PRIM2: variants seen among roughly 807,000 people sequenced by gnomAD.
PRIM2 encodes DNA primase subunit 2, also known as DNA primase large subunit.
Under a neutral mutation model 67.3 loss-of-function variants are expected in PRIM2, and 39 were observed. The observed-to-expected ratio is 0.58, with a 90% confidence interval of 0.45 to 0.76. PRIM2 has a LOEUF of 0.76. Ranked by LOEUF, PRIM2 falls within the 30% of genes least tolerant of loss-of-function variation. The pLI is 0.00. For synonymous variants in PRIM2, 143 were observed against 198.7 expected (o/e 0.72, Z 2.36); for missense variants, 398 against 598.7 (o/e 0.66, Z 3.50).
intron 7 of PRIM2, among the ~76,000 whole-genome samples, chr6:57,448,122 C>T (rs959321991): frequency 1.3e-5 from 2 of 151,972 alleles, no homozygotes; most frequent in African/African-American, 2.4e-5. Flanking sequence ...TCTCCAGTGC[C>T]GATCTTTATT....
the PRIM2 span, among the ~76,000 whole-genome samples, chr6:57,301,277 C>T: frequency 6.6e-6 from 1 of 152,012 alleles, no homozygotes; most frequent in Non-Finnish European, 1.5e-5. Context: ...CACCTGAGGT[C>T]GGGAGTTTGA....
At chr6:57,343,774 T>A (rs1768578736) in intron 5 of PRIM2, among the ~76,000 whole-genome samples, 1 of 152,124 alleles carries the variant, frequency 6.6e-6, no homozygotes, top group African/African-American at 2.4e-5. Context: ...ATTATTCATG[T>A]CATTTGTTAA....
chr6:57,257,560 C>T, the PRIM2 span, among the ~76,000 whole-genome samples: 5 of 152,086 alleles, frequency 3.3e-5, no homozygotes, highest in South Asian at 2.1e-4. Context: ...CGTGAGCCAT[C>T]GCGCCCAGAC....
chr6:57,425,961 A>G lies in PRIM2; in HGVS notation c.693+43793A>G, dbSNP rs1189278202. ...AACGTAGACTTCAGAAGCATTATCA[A>G]TTTCTATTTTAAAAGTTAAGTATAT... On this transcript the variant is annotated intron_variant, in intron 7 of 13. Coordinates refer to ENST00000615550, the MANE Select transcript of PRIM2 (RefSeq NM_000947.5). Among the ~76,000 whole-genome samples the G allele has an allele frequency of 2.0e-5, 3 of 152,308 alleles. No homozygotes were observed. The East Asian group carries it at 5.8e-4, about 29-fold the overall frequency.
the PRIM2 span, among the ~76,000 whole-genome samples, chr6:57,267,752 A>T: frequency 1.6e-4 from 24 of 150,950 alleles, no homozygotes; most frequent in African/African-American, 5.6e-4. Context: ...CTACAAAAAA[A>T]TTTTAAAATT....
At position 57,537,484 on chromosome 6, in the gene PRIM2, A is replaced by G; in HGVS notation, c.879A>G (p.Lys293=). 6.6e-7 allele frequency: 1 copy of G among 1,522,164 alleles called. No individual in the cohort carries two copies. The highest frequency in any genetic ancestry group is 9.1e-7 in the Non-Finnish European group (1 of 1,103,500). The allele number at this position is 1,522,164 out of a possible 1,614,324, so 94.3% of individuals were successfully genotyped here. A position where few individuals can be genotyped will look rare whatever the true frequency, so the allele number is the denominator to read the frequency against. The change falls in exon 10 of 14, where the codon AAA becomes AAG. Residue 293 remains lysine (K), a synonymous_variant. Coordinates refer to ENST00000615550, the MANE Select transcript of PRIM2 (RefSeq NM_000947.5). ...SFPPCMRQLH[K]ALRENHHLRH... ...CACCTTGCATGCGTCAGTTACATAA[A>G]GCCTTGCGGGAAAATCACCATCTTC...
chr6:57,383,607 A>G (rs1201661023), intron 7 of PRIM2: 1 of 149,240 alleles, frequency 6.7e-6, no homozygotes, highest in Non-Finnish European at 1.5e-5. Flanking sequence ...ATGTGGGATG[A>G]AGTAGTCTTT....
rs1460306070 is a variant in PRIM2, at chr6:57,581,371, C to T, written c.1021-19722C>T. Among the ~76,000 whole-genome samples, 1,456 of 152,266 alleles carry T rather than the reference C, an allele frequency of 9.6e-3. 22 individuals carry two copies. Among genetic ancestry groups the T allele is most frequent in the African/African-American group, 0.033 (1,369 of 41,526 alleles). On this transcript the variant is annotated intron_variant, in intron 10 of 13. Transcript: ENST00000615550. ...TAAGGATTACTAAATCTAGTCTTTT[C>T]GGCTAGAAGTATGTGATTAGTAAAT...
chr6:57,470,761 G>A (rs1773318508), intron 7 of PRIM2, among the ~76,000 whole-genome samples: 1 of 151,946 alleles, frequency 6.6e-6, no homozygotes, highest in Non-Finnish European at 1.5e-5. Flanking sequence ...TTTAGTTACA[G>A]CCTACATCTT....
At chr6:57,494,269 A>G (rs1581952437) in intron 7 of PRIM2, among the ~76,000 whole-genome samples, 2 of 152,118 alleles carry the variant, frequency 1.3e-5, no homozygotes, top group Admixed American at 1.3e-4. Flanking sequence ...GTGGCAGCTC[A>G]TCATTTTGGG....
At chr6:57,619,070 GAGACCCAT>G (rs1776805618) in intron 12 of PRIM2, among the ~76,000 whole-genome samples, 1 of 152,172 alleles carries the variant, frequency 6.6e-6, no homozygotes, top group African/African-American at 2.4e-5. Flanking sequence ...CCGTGGTTGA[GAGACCCAT>G]AGACGGTTCA....
chr6:57,375,543 A>G (rs2215512), intron 5 of PRIM2, among the ~76,000 whole-genome samples: 2 of 151,620 alleles, frequency 1.3e-5, no homozygotes, highest in Non-Finnish European at 2.9e-5. Context: ...TTTTTGTTGT[A>G]TCTCCGCCAG....
At chr6:57,485,149 AT>A (rs1773725409) in intron 7 of PRIM2, among the ~76,000 whole-genome samples, 1 of 151,890 alleles carries the variant, frequency 6.6e-6, no homozygotes, top group Non-Finnish European at 1.5e-5. Flanking sequence ...CATGGTAGAG[AT>A]TGAGATTCCA....
intron 12 of PRIM2, among the ~76,000 whole-genome samples, chr6:57,613,706 A>G (rs1301137343): frequency 6.6e-6 from 1 of 152,182 alleles, no homozygotes; most frequent in Non-Finnish European, 1.5e-5. Context: ...CTTGAGCCCT[A>G]CTTCCCACAG....
chr6:57,317,303 G>A (rs113027919), upstream of PRIM2, among the ~76,000 whole-genome samples: 8,064 of 152,260 alleles, frequency 0.053, 308 homozygotes, highest in Non-Finnish European at 0.081. Context: ...TCAATATAGG[G>A]AATATTTGTT....
chr6:57,311,166 A>C (rs1208893247), upstream of PRIM2, among the ~76,000 whole-genome samples: 1 of 118,456 alleles, frequency 8.4e-6, no homozygotes, highest in African/African-American at 3.3e-5. Flanking sequence ...CACCTCCCGG[A>C]CGGGGCGGCC....
intron 9 of PRIM2, among the ~76,000 whole-genome samples, chr6:57,537,052 C>A (rs1775016087): frequency 6.6e-6 from 1 of 152,096 alleles, no homozygotes; most frequent in Non-Finnish European, 1.5e-5. Flanking sequence ...TTGTGATAAT[C>A]TACTGTAGTT....
chr6:57,299,510 C>T, the PRIM2 span, among the ~76,000 whole-genome samples: 4 of 152,216 alleles, frequency 2.6e-5, no homozygotes, highest in African/African-American at 7.2e-5. Context: ...CTAAAATGTC[C>T]GAAGTGATAA....
the PRIM2 span, among the ~76,000 whole-genome samples, chr6:57,232,455 G>A: frequency 6.6e-6 from 1 of 152,154 alleles, no homozygotes; most frequent in Admixed American, 6.5e-5. Flanking sequence ...AGGAGGCTGA[G>A]GCAGGAGAAT....
Sources: gnomAD v4.1 joint callset for allele counts (sites outside exome capture counted in the v4.1 genomes callset) on GRCh38, gnomAD v4.1.1 for gene constraint, MANE v1.5 for transcripts, NCBI Gene and HGNC (gene_info 2026-07-23, HGNC 2026-07-21) for gene names.